The following CMTM7 variants were observed in gnomAD, a reference collection of about 807,000 sequenced individuals.
The protein encoded by CMTM7 is CKLF-like MARVEL transmembrane domain-containing protein 7.
Under a neutral mutation model 19.3 loss-of-function variants are expected in CMTM7, and 7 were observed. The observed-to-expected ratio is 0.36, with a 90% CI of 0.21 to 0.68. The LOEUF is 0.68. Among genes scored for constraint, CMTM7 ranks in the 30% least tolerant of loss-of-function variants. The pLI is 0.60. For synonymous variants in CMTM7, 87 were observed against 99.3 expected, an observed-to-expected ratio of 0.88 and a Z score of 0.74; for missense variants, 193 against 232.6, an observed-to-expected ratio of 0.83 and a Z score of 1.11.
chr3:32,400,795 G>T (rs994073771), intron 1 of CMTM7, among the ~76,000 whole-genome samples: 1 of 152,158 alleles, frequency 6.6e-6, no homozygotes, highest in African/African-American at 2.4e-5. Context: ...TACCCTGGTT[G>T]TGTGTACCAT....
intron 4 of CMTM7, among the ~76,000 whole-genome samples, chr3:32,453,697 T>C (rs1696868847): frequency 6.6e-6 from 1 of 152,168 alleles, no homozygotes; most frequent in Non-Finnish European, 1.5e-5. Flanking sequence ...CAGGTGTGAC[T>C]GCTAATGAGG....
chr3:32,412,577 G>T (rs1391671322), intron 1 of CMTM7, among the ~76,000 whole-genome samples: 2 of 147,784 alleles, frequency 1.4e-5, no homozygotes, highest in Non-Finnish European at 3.0e-5. Context: ...TTTTCATCTG[G>T]GTCTTAAGTT....
In CMTM7 at chr3:32,425,016, C is replaced by G. The variant is rs189033172; in HGVS notation, c.160-16824C>G. On this transcript the variant is annotated intron_variant, in intron 1 of 4. Transcript: ENST00000334983. ...AAACGTAGAAAAAACATAGAAGAGGCAGGAAGCAGTGTCAGTGGTTAAGAA... is the reference window on the plus strand; with the variant it reads ...AAACGTAGAAAAAACATAGAAGAGGGAGGAAGCAGTGTCAGTGGTTAAGAA... Among the ~76,000 whole-genome samples, 49 of 152,246 alleles carry G rather than the reference C, an allele frequency of 3.2e-4. No individual in the cohort carries two copies. In the East Asian group the frequency reaches 8.5e-3, roughly 26 times the overall value.
chr3:32,446,671 G>T (rs1317572354), intron 2 of CMTM7, among the ~76,000 whole-genome samples: 3 of 152,140 alleles, frequency 2.0e-5, no homozygotes, highest in African/African-American at 7.2e-5. Context: ...CATGGGGGCA[G>T]ATCCCTTGTG....
At position 32,391,860 on chromosome 3, in the gene CMTM7, C is replaced by G. The variant is rs1695838788; in HGVS notation, c.-47C>G. ...CCCCGGCCCGCCCTCTGTATCTGGC[C>G]CCTGGGCAGCTGCCCGGGGAGGCGG... is the stretch of plus-strand genomic sequence containing the variant. On this transcript the variant is annotated 5_prime_UTR_variant, in exon 1 of 5. Transcript: ENST00000334983. 1 of 1,186,986 alleles carries G rather than the reference C, an allele frequency of 8.4e-7. No homozygotes were observed. Among genetic ancestry groups the G allele is most frequent in the East Asian group, 3.5e-5 (1 of 28,170 alleles). 73.5% of individuals were successfully genotyped at this position (1,186,986 alleles called of 1,614,324 possible). A position where few individuals can be genotyped will look rare whatever the true frequency, so the allele number is the denominator to read the frequency against.
chr3:32,403,507 C>T (rs952302448), intron 1 of CMTM7, among the ~76,000 whole-genome samples: 5 of 152,150 alleles, frequency 3.3e-5, no homozygotes, highest in African/African-American at 4.8e-5. Flanking sequence ...GCCATGGTGC[C>T]GGCCGGGCTA....
intron 1 of CMTM7, among the ~76,000 whole-genome samples, chr3:32,433,665 T>C (rs1696552649): frequency 6.6e-6 from 1 of 152,150 alleles, no homozygotes; most frequent in Non-Finnish European, 1.5e-5. Context: ...CCTAAAGGCC[T>C]ACAGACCAGT....
At chr3:32,448,835 A>C (rs961770208) in intron 2 of CMTM7, among the ~76,000 whole-genome samples, 1 of 151,462 alleles carries the variant, frequency 6.6e-6, no homozygotes, top group African/African-American at 2.4e-5. Flanking sequence ...AGCTGCCACC[A>C]CACATCCACA....
chr3:32,441,410 G>A (rs1696673557), intron 1 of CMTM7, among the ~76,000 whole-genome samples: 1 of 152,136 alleles, frequency 6.6e-6, no homozygotes, highest in African/African-American at 2.4e-5. Context: ...ATCTTTGTAG[G>A]TCAAAAACCA....
intron 1 of CMTM7, among the ~76,000 whole-genome samples, chr3:32,414,070 T>C (rs1184221358): frequency 6.6e-6 from 1 of 152,038 alleles, no homozygotes; most frequent in Non-Finnish European, 1.5e-5. Flanking sequence ...CTCCTCGGAG[T>C]ATCAGCCAAG....
chr3:32,392,004 A>T lies in CMTM7; in HGVS notation c.98A>T (p.Glu33Val), dbSNP rs960395041. 2.4e-6 allele frequency: 3 copies of T among 1,234,270 alleles called. No homozygotes were observed. Among genetic ancestry groups the T allele is most frequent in the Non-Finnish European group, 3.0e-6 (3 of 986,960 alleles). 76.5% of individuals were successfully genotyped at this position (1,234,270 alleles called of 1,614,324 possible). A position where few individuals can be genotyped will look rare whatever the true frequency, so the allele number is the denominator to read the frequency against. Residue 33 changes from glutamate to valine, a missense_variant, in exon 1 of 5, where the codon GAG becomes GTG. Glu to Val is a moderately radical substitution (Grantham distance 121). Transcript: ENST00000334983. ...GAAQPSASPL[E>V]GLLDLSYPRT... ...GCCCAGCCCAGCGCGAGCCCCTTGG[A>T]GGGGCTGCTGGACCTCAGCTACCCC...
chr3:32,407,713 T>C (rs1042327180), intron 1 of CMTM7, among the ~76,000 whole-genome samples: 5 of 152,194 alleles, frequency 3.3e-5, no homozygotes, highest in African/African-American at 1.2e-4. Context: ...GGCTACCATG[T>C]TGAGCAGAGG....
At chr3:32,398,888 G>T (rs1354764249) in intron 1 of CMTM7, among the ~76,000 whole-genome samples, 1 of 152,186 alleles carries the variant, frequency 6.6e-6, no homozygotes, top group Admixed American at 6.5e-5. Flanking sequence ...GGGAGGTTGA[G>T]ATGGGAGGAT....
At chr3:32,406,655 G>A (rs891878779) in intron 1 of CMTM7, among the ~76,000 whole-genome samples, 20 of 152,170 alleles carry the variant, frequency 1.3e-4, no homozygotes, top group African/African-American at 3.9e-4. Flanking sequence ...CCCAAGGTTC[G>A]TTACAGGGAG....
At chr3:32,432,108 C>T (rs1696528476) in intron 1 of CMTM7, among the ~76,000 whole-genome samples, 2 of 152,238 alleles carry the variant, frequency 1.3e-5, no homozygotes, top group Non-Finnish European at 2.9e-5. Flanking sequence ...TTCTTGGTTC[C>T]ACCATTTGCC....
rs565339291 is a variant in CMTM7 at position 32,409,713 on chromosome 3, T to G, written c.159+17648T>G. The stretch of plus-strand genomic sequence containing the variant: ...AGTCAGTTTGGTGGGACCCTCTGAT[T>G]CTCAGCATTTTGTAGCTACACTGGA... On this transcript the variant is annotated intron_variant, in intron 1 of 4. Coordinates refer to ENST00000334983, the MANE Select transcript of CMTM7 (RefSeq NM_138410.4). Among the ~76,000 whole-genome samples, 92 of 152,332 alleles carry G rather than the reference T, an allele frequency of 6.0e-4. No individual in the cohort carries two copies. In the South Asian group the frequency reaches 0.018, roughly 30 times the overall value.
intron 1 of CMTM7, among the ~76,000 whole-genome samples, chr3:32,396,932 C>G (rs1252185629): frequency 6.6e-6 from 1 of 152,250 alleles, no homozygotes; most frequent in African/African-American, 2.4e-5. Context: ...TTTGTTCATT[C>G]AGCAGACATT....
chr3:32,428,631 G>T (rs1696469253), intron 1 of CMTM7, among the ~76,000 whole-genome samples: 1 of 152,164 alleles, frequency 6.6e-6, no homozygotes, highest in South Asian at 2.1e-4. Context: ...GAGCCCTTTT[G>T]CTCCTTTTTC....
chr3:32,393,534 T>G (rs934240580), intron 1 of CMTM7, among the ~76,000 whole-genome samples: 5 of 152,122 alleles, frequency 3.3e-5, no homozygotes, highest in African/African-American at 1.2e-4. Flanking sequence ...ACAAAGATAT[T>G]GTGGGATGAA....
Sources: gnomAD v4.1 joint callset for allele counts (sites outside exome capture counted in the v4.1 genomes callset) on GRCh38, gnomAD v4.1.1 for gene constraint, MANE v1.5 for transcripts, NCBI Gene and HGNC (gene_info 2026-07-23, HGNC 2026-07-21) for gene names.